Variants in KLHL9 observed in about 807,000 individuals in gnomAD.
KLHL9 encodes the protein kelch-like protein 9.
Under a neutral mutation model 42.3 loss-of-function variants are expected in KLHL9, and 27 were observed. That is an observed-to-expected ratio of 0.64 (90% confidence interval 0.47 to 0.88). The LOEUF is 0.88. KLHL9 is among the 40% of genes least tolerant of loss of function. The pLI is 0.00. For missense variants in KLHL9, 629 were observed against 750.3 expected, an observed-to-expected ratio of 0.84 and a Z score of 1.89; for synonymous variants, 274 against 254.4, an observed-to-expected ratio of 1.08 and a Z score of -0.73.
Position 21,334,517 on chromosome 9 carries a change from G to C in KLHL9, c.343C>G (p.Leu115Val). Residue 115 changes from leucine (L) to valine (V), a missense_variant, in exon 1 of 1, where the codon CTT (leucine) becomes GTT (valine). Leu to Val is a conservative substitution (Grantham distance 32). This residue lies in a region of KLHL9 where 351 missense variants were observed against 363.1 expected (regional missense o/e 0.97). Coordinates refer to ENST00000359039, the MANE Select transcript of KLHL9 (RefSeq NM_018847.4). This position sits in a 1 kb window ranked among gnomAD's most constrained non-coding sequence, Gnocchi z 5.1. ...TGAAGATTGTCCATATTAAGAGAAA[G>C]TTTTGCAGTATAAATAAAATCAATG... ...KIIDFIYTAK[L>V]SLNMDNLQDT... 6.2e-7 allele frequency: 1 copy of C among 1,614,098 alleles called. No individual in the cohort carries two copies. The highest frequency in any genetic ancestry group is 1.3e-5 in the African/African-American group (1 of 75,042).
chr9:21,334,749 C>A lies in KLHL9; in HGVS notation c.111G>T (p.Leu37Phe). 1 of 1,612,438 alleles carries A rather than the reference C, an allele frequency of 6.2e-7. No homozygotes were observed. The change falls in exon 1 of 1, where the codon TTG becomes TTT. Residue 37 changes from leucine to phenylalanine, a missense_variant. By Grantham distance (22) the Leu-to-Phe change is conservative. Around this residue, in one of 4 missense-constraint regions of KLHL9, gnomAD observed 351 missense variants for 363.1 expected, o/e 0.97. Transcript: ENST00000359039. The surrounding 1 kb of genome is among the most constrained non-coding windows in gnomAD (Gnocchi z 5.1). ...CTATTCTAAGCTGATCAAAGCCTTG[C>A]AATACCACCGAACTGTGAGTATTGC... ...FTSNTHSSVV[L>F]QGFDQLRIEG... is the part of the protein sequence containing the mutation.
In KLHL9 at chr9:21,333,532, A is replaced by G. The variant is rs1441211963; in HGVS notation, c.1328T>C (p.Val443Ala). 6.2e-7 allele frequency: 1 copy of G among 1,614,178 alleles called. No individual in the cohort carries two copies. Among genetic ancestry groups the G allele is most frequent in the East Asian group, 2.2e-5 (1 of 44,876 alleles). The change falls in exon 1 of 1, where the codon GTA (valine) becomes GCA (alanine). Residue 443 changes from valine (V) to alanine (A), a missense_variant. Around this residue, in one of 4 missense-constraint regions of KLHL9, gnomAD observed 214 missense variants for 305.8 expected, o/e 0.70. Transcript: ENST00000359039. This position sits in a 1 kb window ranked among gnomAD's most constrained non-coding sequence, Gnocchi z 7.5. ...TGAAATATACATTAAGCCTCCATATACTGTTCCAGCATGACCATAGTGGGG... is the reference window on the plus strand; with the variant it reads ...TGAAATATACATTAAGCCTCCATATGCTGTTCCAGCATGACCATAGTGGGG... ...SEPHYGHAGT[V>A]YGGLMYISGG...
At position 21,334,555 on chromosome 9, in the gene KLHL9, C is replaced by A. The variant is rs775526734; in HGVS notation, c.305G>T (p.Gly102Val). ...CIKLHGVNKVGLKKIIDFIYT... is the reference protein window; with the variant it reads ...CIKLHGVNKVVLKKIIDFIYT... ...AATAAAATCAATGATTTTCTTCAGA[C>A]CAACCTTGTTCACCCCATGAAGCTT... is the stretch of plus-strand genomic sequence containing the variant. Residue 102 changes from glycine to valine, a missense_variant, in exon 1 of 1, where the codon GGT becomes GTT. By Grantham distance (109) the Gly-to-Val change is moderately radical. This residue lies in a region of KLHL9 where 351 missense variants were observed against 363.1 expected (regional missense o/e 0.97). Coordinates refer to ENST00000359039, the MANE Select transcript of KLHL9 (RefSeq NM_018847.4). This position sits in a 1 kb window ranked among gnomAD's most constrained non-coding sequence, Gnocchi z 5.1. 6.2e-6 allele frequency: 10 copies of A among 1,614,176 alleles called. No homozygotes were observed. The highest frequency in any genetic ancestry group is 8.5e-6 in the Non-Finnish European group (10 of 1,180,036).
At position 21,335,029 on chromosome 9, in the gene KLHL9, T is replaced by C. The variant is rs1820244970; in HGVS notation, c.-170A>G. 3.5e-6 allele frequency: 3 copies of C among 859,502 alleles called. No homozygotes were observed. Among genetic ancestry groups the C allele is most frequent in the Non-Finnish European group, 5.3e-6 (3 of 565,824 alleles). The allele number at this position is 859,502 out of a possible 1,614,324, so 53.2% of individuals were successfully genotyped here. A position where few individuals can be genotyped will look rare whatever the true frequency, so the allele number is the denominator to read the frequency against. ...ACGCCAGTCAGTCATCCACTGAAAA[T>C]CACCCTGTAGCAGGACCACAAAGGG... On this transcript the variant is annotated 5_prime_UTR_variant, in exon 1 of 1. Transcript: ENST00000359039.
At position 21,333,883 on chromosome 9, in the gene KLHL9, T is replaced by C. The variant is rs1437322880; in HGVS notation, c.977A>G (p.Glu326Gly). Residue 326 changes from glutamate (E) to glycine (G), a missense_variant, in exon 1 of 1, where the codon GAA becomes GGA. Glu to Gly is a moderately conservative substitution (Grantham distance 98). This residue lies in a region of KLHL9 where 214 missense variants were observed against 305.8 expected (regional missense o/e 0.70). Coordinates refer to ENST00000359039, the MANE Select transcript of KLHL9 (RefSeq NM_018847.4). This position sits in a 1 kb window ranked among gnomAD's most constrained non-coding sequence, Gnocchi z 7.5. ...ATCCATTGGGGCTAAAGATCTCCATTCTTGTGCCCTTTCATCATACATCCG... is the reference window on the plus strand; with the variant it reads ...ATCCATTGGGGCTAAAGATCTCCATCCTTGTGCCCTTTCATCATACATCCG... ...ELRMYDERAQ[E>G]WRSLAPMDAP... 6.2e-7 allele frequency: 1 copy of C among 1,614,004 alleles called. No individual in the cohort carries two copies. The highest frequency in any genetic ancestry group is 8.5e-7 in the Non-Finnish European group (1 of 1,180,028).
In KLHL9 at chr9:21,334,764, G is replaced by C. The variant is rs1235629594; in HGVS notation, c.96C>G (p.His32Gln). The C allele has an allele frequency of 2.5e-6, 4 of 1,612,554 alleles. No individual in the cohort carries two copies. The highest frequency in any genetic ancestry group is 3.4e-6 in the Non-Finnish European group (4 of 1,179,184). ...CAAAGCCTTGCAATACCACCGAACT[G>C]TGAGTATTGCTGGTAAAAAAGCGTG... ...GTTRFFTSNT[H>Q]SSVVLQGFDQ... The change falls in exon 1 of 1, where the codon CAC becomes CAG. Residue 32 changes from histidine to glutamine, a missense_variant. His to Gln is a conservative substitution (Grantham distance 24, BLOSUM62 0). Around this residue, in one of 4 missense-constraint regions of KLHL9, gnomAD observed 351 missense variants for 363.1 expected, o/e 0.97. Coordinates refer to ENST00000359039, the MANE Select transcript of KLHL9 (RefSeq NM_018847.4). The surrounding 1 kb of genome is among the most constrained non-coding windows in gnomAD (Gnocchi z 5.1).
rs1420564515 is a variant in KLHL9, at chr9:21,332,772, A to G, written c.*234T>C. The G allele has an allele frequency of 1.8e-6, 1 of 553,664 alleles. No individual in the cohort carries two copies. The highest frequency in any genetic ancestry group is 3.6e-5 in the Admixed American group (1 of 27,416). The allele number at this position is 553,664 out of a possible 1,614,324, so 34.3% of individuals were successfully genotyped here. On this transcript the variant is annotated 3_prime_UTR_variant, in exon 1 of 1. Coordinates refer to ENST00000359039, the MANE Select transcript of KLHL9 (RefSeq NM_018847.4). ...TCTACAATTTTATATAACATCACAA[A>G]AAGACATCTAAACATTTTTCTACGT...
chr9:21,334,218 T>G lies in KLHL9; in HGVS notation c.642A>C (p.Glu214Asp). Residue 214 changes from glutamate (E) to aspartate (D), a missense_variant, in exon 1 of 1, where the codon GAA becomes GAC. Around this residue, in one of 4 missense-constraint regions of KLHL9, gnomAD observed 351 missense variants for 363.1 expected, o/e 0.97. Transcript: ENST00000359039. This position sits in a 1 kb window ranked among gnomAD's most constrained non-coding sequence, Gnocchi z 5.1. ...SNSLKHCTEL[E>D]LFKAACRWLR... is the part of the protein sequence containing the mutation. ...GCCAGCGACAGGCTGCCTTAAAGAG[T>G]TCAAGTTCGGTACAGTGCTTAAGAC... 2 of 1,613,960 alleles carry G rather than the reference T, an allele frequency of 1.2e-6. No individual in the cohort carries two copies. The highest frequency in any genetic ancestry group is 2.2e-5 in the South Asian group (2 of 91,056).
chr9:21,334,062 G>C lies in KLHL9; in HGVS notation c.798C>G (p.Cys266Trp). The C allele has an allele frequency of 6.2e-7, 1 of 1,614,126 alleles. No homozygotes were observed. Residue 266 changes from cysteine to tryptophan, a missense_variant, in exon 1 of 1, where the codon TGC (cysteine) becomes TGG (tryptophan). Physicochemically the swap from Cys to Trp is radical, Grantham distance 215. This residue lies in a region of KLHL9 where 351 missense variants were observed against 363.1 expected (regional missense o/e 0.97). Coordinates refer to ENST00000359039, the MANE Select transcript of KLHL9 (RefSeq NM_018847.4). This position sits in a 1 kb window ranked among gnomAD's most constrained non-coding sequence, Gnocchi z 5.1. ...TGCTAGCTTCCAAAAGCAAATTCAC[G>C]CAGGTATTGTCTGTTCTCATGAAAT... ...TVDFMRTDNT[C>W]VNLLLEASNY...
rs575749730 is a variant in KLHL9, at chr9:21,329,779, T to C, written c.*3227A>G. 1 of 150,140 alleles carries C rather than the reference T, an allele frequency of 6.7e-6. No individual in the cohort carries two copies. Among genetic ancestry groups the C allele is most frequent in the Admixed American group, 6.7e-5 (1 of 15,004 alleles). The allele number at this position is 150,140 out of a possible 1,614,324, so 9.3% of individuals were successfully genotyped here. The stretch of plus-strand genomic sequence containing the variant: ...ACATATGTACGTATATATATATATA[T>C]AATATACTATTAATAGAAATTATCT... On this transcript the variant is annotated 3_prime_UTR_variant, in exon 1 of 1. Transcript: ENST00000359039.
chr9:21,334,640 T>C lies in KLHL9; in HGVS notation c.220A>G (p.Ser74Gly), dbSNP rs766675303. ...GTGAACATGGCTTTGAAATAATCAC[T>C]AGCAGACGCCATCATAGCTCTGTGA... Reference protein sequence around the residue: ...PVHRAMMASASDYFKAMFTGG... With the variant: ...PVHRAMMASAGDYFKAMFTGG... The change falls in exon 1 of 1, where the codon AGT becomes GGT. Residue 74 changes from serine (S) to glycine (G), a missense_variant. Transcript: ENST00000359039. This position sits in a 1 kb window ranked among gnomAD's most constrained non-coding sequence, Gnocchi z 5.1. 1 of 1,614,206 alleles carries C rather than the reference T, an allele frequency of 6.2e-7. No homozygotes were observed. Among genetic ancestry groups the C allele is most frequent in the East Asian group, 2.2e-5 (1 of 44,886 alleles).
Position 21,333,799 on chromosome 9 carries a change from C to A in KLHL9, c.1061G>T (p.Gly354Val), listed in dbSNP as rs1820215660. Reference protein sequence around the residue: ...VIGNFLYVVGGQSNYDTKGKT... With the variant: ...VIGNFLYVVGVQSNYDTKGKT... ...TCCTTTTGTATCATAATTACTCTGACCACCAACTACATAAAGAAAGTTTCC... is the reference window on the plus strand; with the variant it reads ...TCCTTTTGTATCATAATTACTCTGAACACCAACTACATAAAGAAAGTTTCC... Residue 354 changes from glycine (G) to valine (V), a missense_variant, in exon 1 of 1, where the codon GGT becomes GTT. Coordinates refer to ENST00000359039, the MANE Select transcript of KLHL9 (RefSeq NM_018847.4). This position sits in a 1 kb window ranked among gnomAD's most constrained non-coding sequence, Gnocchi z 7.5. 2 of 1,614,016 alleles carry A rather than the reference C, an allele frequency of 1.2e-6. No individual in the cohort carries two copies. Among genetic ancestry groups the A allele is most frequent in the East Asian group, 4.5e-5 (2 of 44,890 alleles).
In KLHL9 at chr9:21,334,131, T is replaced by C. The variant is rs1285754812; in HGVS notation, c.729A>G (p.Pro243=). Residue 243 remains proline (P), a synonymous_variant, in exon 1 of 1, where the codon CCA becomes CCG. Coordinates refer to ENST00000359039, the MANE Select transcript of KLHL9 (RefSeq NM_018847.4). The surrounding 1 kb of genome is among the most constrained non-coding windows in gnomAD (Gnocchi z 5.1). ...AAKLMKNIRF[P]LMTPQDLINY... ...TGATGAGATCCTGTGGTGTCATCAG[T>C]GGAAATCGAATATTCTTCATTAACT... 1 of 1,614,228 alleles carries C rather than the reference T, an allele frequency of 6.2e-7. No homozygotes were observed.
chr9:21,334,776 G>A lies in KLHL9; in HGVS notation c.84C>T (p.Thr28=), dbSNP rs1427660356. The A allele has an allele frequency of 4.3e-6, 7 of 1,612,486 alleles. No individual in the cohort carries two copies. The highest frequency in any genetic ancestry group is 3.4e-5 in the Admixed American group (2 of 59,686). Residue 28 remains threonine, a synonymous_variant, in exon 1 of 1, where the codon ACC becomes ACT. Transcript: ENST00000359039. The surrounding 1 kb of genome is among the most constrained non-coding windows in gnomAD (Gnocchi z 5.1). ...PCKAGTTRFF[T]SNTHSSVVLQ... ...ATACCACCGAACTGTGAGTATTGCT[G>A]GTAAAAAAGCGTGTGGTTCCTGCCT... is the stretch of plus-strand genomic sequence containing the variant.
rs1432182328 is a variant in KLHL9 at position 21,334,036 on chromosome 9, T to C, written c.824A>G (p.Asn275Ser). ...TCVNLLLEASNYQMMPYMQPV... is the reference protein window; with the variant it reads ...TCVNLLLEASSYQMMPYMQPV... ...CTGCATATATGGCATCATTTGGTAA[T>C]TGCTAGCTTCCAAAAGCAAATTCAC... Residue 275 changes from asparagine to serine, a missense_variant, in exon 1 of 1, where the codon AAT becomes AGT. Coordinates refer to ENST00000359039, the MANE Select transcript of KLHL9 (RefSeq NM_018847.4). The surrounding 1 kb of genome is among the most constrained non-coding windows in gnomAD (Gnocchi z 5.1). The C allele has an allele frequency of 1.2e-6, 2 of 1,614,114 alleles. No individual in the cohort carries two copies. The highest frequency in any genetic ancestry group is 1.3e-5 in the African/African-American group (1 of 74,942).
rs1396721619 is a variant in KLHL9 at position 21,334,360 on chromosome 9, A to G, written c.500T>C (p.Ile167Thr). ...ATTATTAACATATTTATCCACTTCT[A>G]TAAGATTGTAGGTGTTAGCAATTCG... ...VGRIANTYNL[I>T]EVDKYVNNFI... Residue 167 changes from isoleucine (I) to threonine (T), a missense_variant, in exon 1 of 1, where the codon ATA (isoleucine) becomes ACA (threonine). Ile to Thr is a moderately conservative substitution (Grantham distance 89). This residue lies in a region of KLHL9 where 351 missense variants were observed against 363.1 expected (regional missense o/e 0.97). Coordinates refer to ENST00000359039, the MANE Select transcript of KLHL9 (RefSeq NM_018847.4). The surrounding 1 kb of genome is among the most constrained non-coding windows in gnomAD (Gnocchi z 5.1). 3 of 1,613,534 alleles carry G rather than the reference A, an allele frequency of 1.9e-6. No homozygotes were observed. The South Asian group carries it at 3.3e-5, about 18-fold the overall frequency.
In KLHL9 at chr9:21,332,673, C is replaced by T. The variant is rs2133029385; in HGVS notation, c.*333G>A. The stretch of plus-strand genomic sequence containing the variant: ...ATTTTTAGTTTAGAGCGGCCTCCCT[C>T]TGACATTTTGGAGTCAAAGATGAAA... On this transcript the variant is annotated 3_prime_UTR_variant, in exon 1 of 1. Coordinates refer to ENST00000359039, the MANE Select transcript of KLHL9 (RefSeq NM_018847.4). 4.0e-6 allele frequency: 1 copy of T among 250,308 alleles called. No homozygotes were observed. 15.5% of individuals were successfully genotyped at this position (250,308 alleles called of 1,614,324 possible).
chr9:21,333,431 C>G lies in KLHL9; in HGVS notation c.1429G>C (p.Ala477Pro). 6.2e-7 allele frequency: 1 copy of G among 1,614,216 alleles called. No individual in the cohort carries two copies. The highest frequency in any genetic ancestry group is 1.3e-5 in the African/African-American group (1 of 75,052). Reference sequence around the variant, plus strand: ...AGACCTCTGACTGTAGTCATTGGAGCCTTTTGCATCCATTTATCTGTATCT... The same window carrying G: ...AGACCTCTGACTGTAGTCATTGGAGGCTTTTGCATCCATTTATCTGTATCT... ...DPDTDKWMQK[A>P]PMTTVRGLHC... is the part of the protein sequence containing the mutation. Residue 477 changes from alanine (A) to proline (P), a missense_variant, in exon 1 of 1, where the codon GCT (alanine) becomes CCT (proline). By Grantham distance (27) the Ala-to-Pro change is conservative. Around this residue, in one of 4 missense-constraint regions of KLHL9, gnomAD observed 214 missense variants for 305.8 expected, o/e 0.70. Transcript: ENST00000359039. The surrounding 1 kb of genome is among the most constrained non-coding windows in gnomAD (Gnocchi z 7.5).
At position 21,330,852 on chromosome 9, in the gene KLHL9, G is replaced by A. The variant is rs1368231580; in HGVS notation, c.*2154C>T. 1 of 152,080 alleles carries A rather than the reference G, an allele frequency of 6.6e-6. No homozygotes were observed. Among genetic ancestry groups the A allele is most frequent in the Non-Finnish European group, 1.5e-5 (1 of 68,036 alleles). 9.4% of individuals were successfully genotyped at this position (152,080 alleles called of 1,614,324 possible). On this transcript the variant is annotated 3_prime_UTR_variant, in exon 1 of 1. Transcript: ENST00000359039. Reference sequence around the variant, plus strand: ...GTGGGAGAATCGCCTGAACATGAGAGGCAGAGGTTTCAGTGAGCACACATC... The same window carrying A: ...GTGGGAGAATCGCCTGAACATGAGAAGCAGAGGTTTCAGTGAGCACACATC...
Sources: gnomAD v4.1 joint callset for allele counts on GRCh38, gnomAD v4.1.1 for gene constraint, gnomAD v4.1.1 regional missense constraint, Gnocchi (gnomAD v3.1) non-coding constraint, MANE v1.5 for transcripts, NCBI Gene and HGNC (gene_info 2026-07-23, HGNC 2026-07-21) for gene names.